RNF212B: variants seen among roughly 807,000 people sequenced by gnomAD.
RNF212B encodes E3 ubiquitin-protein ligase RNF212B.
RNF212B carries 52 observed loss-of-function variants against 55.5 expected under a neutral mutation model. That is an observed-to-expected ratio of 0.94 (90% CI 0.75 to 1.18). The LOEUF is 1.18. Ranked by LOEUF, RNF212B falls within the 50% of genes most tolerant of loss-of-function variation. RNF212B has a pLI of 0.00. For synonymous variants in RNF212B, 99 were observed against 121.4 expected, an observed-to-expected ratio of 0.82 and a Z score of 1.21; for missense variants, 289 against 350.4, an observed-to-expected ratio of 0.82 and a Z score of 1.40.
At chr14:23,262,534 C>A in intron 7 of RNF212B, 131 bp from the exon 8 acceptor site, 3 of 765,634 alleles carry the variant, frequency 3.9e-6, no homozygotes, top group Non-Finnish European at 4.2e-6. Flanking sequence ...ACCTATAATA[C>A]ATGAGAGTAA....
At chr14:23,232,408 A>T (rs1260578661) in intron 2 of RNF212B, among the ~76,000 whole-genome samples, 2 of 146,442 alleles carry the variant, frequency 1.4e-5, no homozygotes, top group African/African-American at 2.6e-5. Flanking sequence ...TCCGCCCGGC[A>T]GCCGCCCTGT....
chr14:23,221,387 A>G (rs1881563425), intron 2 of RNF212B, among the ~76,000 whole-genome samples: 1 of 152,256 alleles, frequency 6.6e-6, no homozygotes, highest in African/African-American at 2.4e-5. Context: ...AAAAACTGTA[A>G]GAAGAGACAA....
intron 2 of RNF212B, among the ~76,000 whole-genome samples, chr14:23,199,086 AC>A (rs1743344993): frequency 6.6e-6 from 1 of 152,258 alleles, no homozygotes; most frequent in Admixed American, 6.5e-5. Flanking sequence ...AATACTGTGA[AC>A]TCTGAAAATT....
intron 2 of RNF212B, among the ~76,000 whole-genome samples, chr14:23,194,514 G>A (rs1878445151): frequency 6.6e-6 from 1 of 152,034 alleles, no homozygotes; most frequent in South Asian, 2.1e-4. Context: ...GAGGTGGGCA[G>A]ATCATCTGAG....
chr14:23,255,393 C>T (rs926265573), intron 4 of RNF212B, among the ~76,000 whole-genome samples: 23 of 152,134 alleles, frequency 1.5e-4, no homozygotes, highest in Non-Finnish European at 2.2e-4. Flanking sequence ...CCATGATATC[C>T]TTACCTGGTC....
At chr14:23,222,632 T>A (rs1486629517) in intron 2 of RNF212B, among the ~76,000 whole-genome samples, 1 of 152,218 alleles carries the variant, frequency 6.6e-6, no homozygotes, top group Non-Finnish European at 1.5e-5. Context: ...ACTCATTCTA[T>A]GAGGCCAGTA....
rs1200119586 is a variant in RNF212B, at chr14:23,258,565, A to G, written c.245A>G (p.Lys82Arg). The G allele has an allele frequency of 1.3e-6, 2 of 1,532,942 alleles. No homozygotes were observed. The allele number at this position is 1,532,942 out of a possible 1,614,324, so 95.0% of individuals were successfully genotyped here. A position where few individuals can be genotyped will look rare whatever the true frequency, so the allele number is the denominator to read the frequency against. Residue 82 changes from lysine (K) to arginine (R), a missense_variant, in exon 5 of 15, where the codon AAG (lysine) becomes AGG (arginine). By Grantham distance (26) the Lys-to-Arg change is conservative. Transcript: ENST00000430154. ...CCCTAGTAGGTGTGGAGTTTCCAGA[A>G]GAAACAAACAGATCTCCTCATCGCC... ...SHISQVWSFQ[K>R]KQTDLLIAFY... is the part of the protein sequence containing the mutation.
intron 2 of RNF212B, among the ~76,000 whole-genome samples, chr14:23,194,013 T>C (rs1319449450): frequency 6.6e-6 from 1 of 152,174 alleles, no homozygotes; most frequent in Non-Finnish European, 1.5e-5. Flanking sequence ...GGCTAATTTT[T>C]GTATTTTTAG....
intron 14 of RNF212B, 61 bp downstream of exon 14, chr14:23,270,722 C>A (rs911308428): frequency 2.3e-5 from 25 of 1,098,800 alleles, no homozygotes; most frequent in Non-Finnish European, 3.1e-5. Flanking sequence ...GGCCTGCACA[C>A]TAAATGCCTC....
chr14:23,212,260 T>C (rs1880596686), intron 2 of RNF212B, among the ~76,000 whole-genome samples: 1 of 152,174 alleles, frequency 6.6e-6, no homozygotes, highest in African/African-American at 2.4e-5. Context: ...TCTTCAACAT[T>C]ATGCCGATGG....
At chr14:23,212,234 C>G (rs562042989) in intron 2 of RNF212B, among the ~76,000 whole-genome samples, 1 of 152,182 alleles carries the variant, frequency 6.6e-6, no homozygotes, top group African/African-American at 2.4e-5. Flanking sequence ...ACAAGGATGT[C>G]TGCCTTCACC....
chr14:23,236,510 G>A (rs1883108195), upstream of RNF212B, among the ~76,000 whole-genome samples: 2 of 151,822 alleles, frequency 1.3e-5, no homozygotes, highest in Admixed American at 1.3e-4. Flanking sequence ...GTGAGACTCT[G>A]CTTCAAAAAA....
At chr14:23,201,626 T>C (rs1205244414) in intron 2 of RNF212B, among the ~76,000 whole-genome samples, 1 of 152,100 alleles carries the variant, frequency 6.6e-6, no homozygotes, top group Non-Finnish European at 1.5e-5. Context: ...CTTAAAGGAG[T>C]AATTAGGTTA....
At chr14:23,192,188 A>G (rs1051948043) in intron 1 of RNF212B, among the ~76,000 whole-genome samples, 3 of 151,960 alleles carry the variant, frequency 2.0e-5, no homozygotes, top group African/African-American at 4.8e-5. Flanking sequence ...ATTACTGGGT[A>G]TATACCCAAA....
chr14:23,215,525 C>A (rs911103331), intron 2 of RNF212B, among the ~76,000 whole-genome samples: 7 of 151,842 alleles, frequency 4.6e-5, no homozygotes, highest in Non-Finnish European at 1.0e-4. Flanking sequence ...CAAACAAACA[C>A]ACACACAAAC....
intron 4 of RNF212B, among the ~76,000 whole-genome samples, chr14:23,255,004 A>G (rs192809507): frequency 3.9e-5 from 6 of 152,350 alleles, no homozygotes; most frequent in African/African-American, 1.4e-4. Context: ...ACCAAAATGG[A>G]ATTACTCATG....
intron 4 of RNF212B, among the ~76,000 whole-genome samples, chr14:23,252,363 CA>C (rs1470617129): frequency 1.3e-5 from 2 of 152,100 alleles, no homozygotes; most frequent in African/African-American, 4.8e-5. Flanking sequence ...AGATCCCCCT[CA>C]AAATCAGCCC....
At chr14:23,268,600 T>TTGA (rs749460652) in intron 11 of RNF212B, among the ~76,000 whole-genome samples, 3 of 152,212 alleles carry the variant, frequency 2.0e-5, no homozygotes, top group Non-Finnish European at 4.4e-5. Context: ...CTAATTTTTG[T>TTGA]TGATGTCACT....
intron 2 of RNF212B, among the ~76,000 whole-genome samples, chr14:23,196,126 G>A (rs1383299614): frequency 1.3e-5 from 2 of 152,042 alleles, no homozygotes; most frequent in Non-Finnish European, 2.9e-5. Flanking sequence ...CCTTATGAAC[G>A]GGAGCACCTG....
Sources: allele counts gnomAD v4.1 joint callset (sites outside exome capture counted in the v4.1 genomes callset), GRCh38; gene constraint gnomAD v4.1.1; transcripts MANE v1.5; gene names NCBI Gene and HGNC (gene_info 2026-07-23, HGNC 2026-07-21).